TRANK1: variants seen among roughly 807,000 people sequenced by gnomAD.
The protein encoded by TRANK1 is TPR and ankyrin repeat-containing protein 1.
TRANK1 carries 198 observed loss-of-function variants against 266.0 expected under a neutral mutation model. The ratio of observed to expected loss-of-function variants is 0.74; its 90% CI spans 0.66 to 0.84. TRANK1 has a LOEUF of 0.84. TRANK1 is among the 40% of genes least tolerant of loss of function. The pLI, the probability that TRANK1 is intolerant of heterozygous loss-of-function variation, is 0.00. For missense variants in TRANK1, 3,326 were observed against 3,634.6 expected (o/e 0.92, Z 2.18); for synonymous variants, 1,396 against 1,384.1 (o/e 1.01, Z -0.19).
chr3:36,857,377 T>C lies in TRANK1; in HGVS notation c.2345A>G (p.Asp782Gly). Residue 782 changes from aspartate (D) to glycine (G), a missense_variant, in exon 13 of 24, where the codon GAC (aspartate) becomes GGC (glycine). Transcript: ENST00000645898. This position sits in a 1 kb window ranked among gnomAD's most constrained non-coding sequence, Gnocchi z 4.3. ...DKPTLGAGAPDCSEVGEGHAQ... is the reference protein window; with the variant it reads ...DKPTLGAGAPGCSEVGEGHAQ... ...ATGTCCTTCCCCCACCTCACTACAG[T>C]CAGGGGCCCCTGCACCCAGAGTCGG... 1 of 1,609,876 alleles carries C rather than the reference T, an allele frequency of 6.2e-7. No individual in the cohort carries two copies. The highest frequency in any genetic ancestry group is 8.5e-7 in the Non-Finnish European group (1 of 1,177,876).
chr3:36,852,041 C>A, intron 14 of TRANK1, 105 bp downstream of exon 14: 1 of 1,381,240 alleles, frequency 7.2e-7, no homozygotes, highest in Non-Finnish European at 9.6e-7. Flanking sequence ...CACTGTGGGA[C>A]AGGGACTATT....
At chr3:36,890,996 A>T (rs1559456396) in intron 7 of TRANK1, among the ~76,000 whole-genome samples, 1 of 152,208 alleles carries the variant, frequency 6.6e-6, no homozygotes, top group Non-Finnish European at 1.5e-5. Context: ...CGTAGCTTTC[A>T]ATCAGGCTTT....
chr3:36,860,795 G>A, intron 11 of TRANK1, 111 bp downstream of exon 11: 2 of 1,429,240 alleles, frequency 1.4e-6, no homozygotes, highest in East Asian at 2.5e-5. Context: ...AGGCAATGAG[G>A]GTGAACTTCA....
chr3:36,915,821 A>C (rs2080116438), intron 1 of TRANK1, among the ~76,000 whole-genome samples: 1 of 152,220 alleles, frequency 6.6e-6, no homozygotes, highest in Non-Finnish European at 1.5e-5. Context: ...ACAAGATCTA[A>C]ATAGTGAGCG....
chr3:36,910,128 T>C (rs2125634090), intron 1 of TRANK1, among the ~76,000 whole-genome samples: 1 of 152,330 alleles, frequency 6.6e-6, no homozygotes, highest in Non-Finnish European at 1.5e-5. Flanking sequence ...ATAAGGGTCC[T>C]AAGAAACAAT....
chr3:36,894,428 T>A (rs2079758390), intron 5 of TRANK1, among the ~76,000 whole-genome samples: 1 of 152,226 alleles, frequency 6.6e-6, no homozygotes, highest in African/African-American at 2.4e-5. Flanking sequence ...TATAAATCTC[T>A]TAGGCCAGCT....
At chr3:36,938,082 A>G (rs2080447001) in intron 1 of TRANK1, among the ~76,000 whole-genome samples, 1 of 152,200 alleles carries the variant, frequency 6.6e-6, no homozygotes, top group Non-Finnish European at 1.5e-5. Flanking sequence ...CTGCATGGGG[A>G]GGGTCTGGAG....
intron 8 of TRANK1, among the ~76,000 whole-genome samples, chr3:36,876,105 A>AC (rs903661802): frequency 9.9e-5 from 15 of 152,176 alleles, no homozygotes; most frequent in Non-Finnish European, 1.8e-4. Context: ...AATAAGACTT[A>AC]TTTTTTTGTC....
At chr3:36,942,921 G>A (rs552907276) in intron 1 of TRANK1, among the ~76,000 whole-genome samples, 62 of 151,276 alleles carry the variant, frequency 4.1e-4, no homozygotes, top group Admixed American at 4.0e-3. Flanking sequence ...TGGCTCTGGC[G>A]TGTAATCCCA....
chr3:36,878,404 T>C (rs541322331), intron 8 of TRANK1, among the ~76,000 whole-genome samples: 3 of 152,328 alleles, frequency 2.0e-5, no homozygotes, highest in Admixed American at 6.5e-5. Flanking sequence ...GGTTCACTCA[T>C]TTACAGCTGC....
rs748668980 is a variant in TRANK1, at chr3:36,855,886, G to A, written c.3836C>T (p.Ala1279Val). The change falls in exon 13 of 24, where the codon GCA becomes GTA. Residue 1279 changes from alanine (A) to valine (V), a missense_variant. Transcript: ENST00000645898. ...ACTAGGAATGGTTGACTCTTCCTGT[G>A]CAGACCATCCTATGATGGTTCTTTT... ...SLKRTIIGWS[A>V]QEESTIPSWQ... 4 of 1,613,614 alleles carry A rather than the reference G, an allele frequency of 2.5e-6. No homozygotes were observed. In the East Asian group the frequency reaches 6.7e-5, roughly 27 times the overall value.
intron 17 of TRANK1, among the ~76,000 whole-genome samples, 177 bp downstream of exon 17, chr3:36,846,071 C>T (rs919532673): frequency 6.6e-6 from 1 of 152,212 alleles, no homozygotes; most frequent in Non-Finnish European, 1.5e-5. Flanking sequence ...CCCAATCCCA[C>T]TACAGCTACA....
At chr3:36,939,260 TACACACAC>T (rs10623771) in intron 1 of TRANK1, among the ~76,000 whole-genome samples, 54 of 139,926 alleles carry the variant, frequency 3.9e-4, no homozygotes, top group African/African-American at 4.8e-4. Flanking sequence ...CATTCTAACA[TACACACAC>T]ACACACACAC....
intron 15 of TRANK1, chr3:36,849,994 G>A: frequency 1.0e-6 from 1 of 983,222 alleles, no homozygotes; most frequent in Non-Finnish European, 1.2e-6. Context: ...CTGAGCCTTG[G>A]CCACTTCCAG....
Position 36,944,797 on chromosome 3 carries a change from G to C in TRANK1, c.13C>G (p.Arg5Gly). The change falls in exon 1 of 24, where the codon CGG becomes GGG. Residue 5 changes from arginine (R) to glycine (G), a missense_variant. Coordinates refer to ENST00000645898, the MANE Select transcript of TRANK1 (RefSeq NM_001329998.2). MWDP[R>G]AARMDLTAYA... is the part of the protein sequence containing the mutation. ...CGCGCCGCTACGCACCTAGCTGCCC[G>C]CGGGTCCCACATGGCTGCGGCCGGA... 1 of 1,493,626 alleles carries C rather than the reference G, an allele frequency of 6.7e-7. No individual in the cohort carries two copies. Among genetic ancestry groups the C allele is most frequent in the Non-Finnish European group, 8.9e-7 (1 of 1,128,674 alleles). 92.5% of individuals were successfully genotyped at this position (1,493,626 alleles called of 1,614,324 possible). A position where few individuals can be genotyped will look rare whatever the true frequency, so the allele number is the denominator to read the frequency against.
At chr3:36,833,992 G>T (rs2078734424) in intron 21 of TRANK1, 73 bp from the exon 22 acceptor site, 1 of 1,424,484 alleles carries the variant, frequency 7.0e-7, no homozygotes, top group African/African-American at 1.4e-5. Flanking sequence ...AAAATACAGT[G>T]CAGAGCAACT....
At chr3:36,928,761 T>A (rs1394162186) in intron 1 of TRANK1, among the ~76,000 whole-genome samples, 1 of 152,158 alleles carries the variant, frequency 6.6e-6, no homozygotes, top group Non-Finnish European at 1.5e-5. Context: ...CCTTATATTT[T>A]CAAGACTTAT....
chr3:36,893,471 T>C (rs1429077582), intron 5 of TRANK1, among the ~76,000 whole-genome samples: 1 of 152,178 alleles, frequency 6.6e-6, no homozygotes, highest in Non-Finnish European at 1.5e-5. Context: ...ACTGAGTTGA[T>C]GATGCACATC....
intron 1 of TRANK1, among the ~76,000 whole-genome samples, chr3:36,939,673 C>G (rs1448673845): frequency 6.6e-6 from 1 of 152,198 alleles, no homozygotes; most frequent in Non-Finnish European, 1.5e-5. Flanking sequence ...GGTACTCTGT[C>G]TGCCAGATGC....
Sources: gnomAD v4.1 joint callset for allele counts (sites outside exome capture counted in the v4.1 genomes callset) on GRCh38, gnomAD v4.1.1 for gene constraint, Gnocchi (gnomAD v3.1) non-coding constraint, MANE v1.5 for transcripts, NCBI Gene and HGNC (gene_info 2026-07-23, HGNC 2026-07-21) for gene names.